ALPK2: variants seen among roughly 807,000 people sequenced by gnomAD.
ALPK2 encodes the protein alpha kinase 2.
A neutral mutation model predicts 163.1 loss-of-function variants in ALPK2; 127 were observed. The observed-to-expected ratio is 0.78, with a 90% confidence interval of 0.67 to 0.90. ALPK2 has a LOEUF of 0.90. Ranked by LOEUF, ALPK2 falls within the 40% of genes least tolerant of loss-of-function variation. The pLI is 0.00. For synonymous variants in ALPK2, 953 were observed against 959.1 expected (o/e 0.99, Z 0.12); for missense variants, 2,360 against 2,589.6 (o/e 0.91, Z 1.92).
chr18:58,580,010 C>G lies in ALPK2; in HGVS notation c.766G>C (p.Gly256Arg), dbSNP rs776542263. Residue 256 changes from glycine (G) to arginine (R), a missense_variant, in exon 4 of 13, where the codon GGC (glycine) becomes CGC (arginine). Physicochemically the swap from Gly to Arg is moderately radical, Grantham distance 125. Transcript: ENST00000361673. ...DLNNDGPHDE[G>R]LRSSQQNPKV... ...GGATTTTGCTGACTAGAGCGTAAGC[C>G]TTCATCATGAGGACCATCATTGTTC... is the stretch of plus-strand genomic sequence containing the variant. 4.3e-6 allele frequency: 7 copies of G among 1,614,224 alleles called. No individual in the cohort carries two copies. The Middle Eastern group carries it at 4.9e-4, about 114-fold the overall frequency.
chr18:58,621,917 C>T (rs2052202839), intron 1 of ALPK2, among the ~76,000 whole-genome samples: 1 of 151,670 alleles, frequency 6.6e-6, no homozygotes, highest in African/African-American at 2.4e-5. Context: ...GCAGCTCCCT[C>T]TGGATTTGTT....
chr18:58,605,413 TATAG>T (rs985573495), intron 3 of ALPK2, among the ~76,000 whole-genome samples: 2 of 152,162 alleles, frequency 1.3e-5, no homozygotes, highest in Admixed American at 6.5e-5. Flanking sequence ...AAGGGAGAGA[TATAG>T]ATAGATAGAT....
chr18:58,599,141 TC>T (rs2052056230), intron 3 of ALPK2, among the ~76,000 whole-genome samples: 1 of 152,136 alleles, frequency 6.6e-6, no homozygotes, highest in Non-Finnish European at 1.5e-5. Flanking sequence ...TGAGTGAGTG[TC>T]CCAGAACCTG....
intron 3 of ALPK2, among the ~76,000 whole-genome samples, chr18:58,601,943 C>A (rs1002803806): frequency 6.6e-6 from 1 of 152,132 alleles, no homozygotes; most frequent in Admixed American, 6.5e-5. Context: ...TGTGTACTGT[C>A]CAATGTTCAA....
intron 4 of ALPK2, among the ~76,000 whole-genome samples, chr18:58,576,725 A>G (rs1303368167): frequency 1.3e-5 from 2 of 152,246 alleles, no homozygotes; most frequent in Non-Finnish European, 2.9e-5. Flanking sequence ...CAAATATGCC[A>G]GTCCCTGTGG....
At chr18:58,499,093 C>T (rs545540080) in intron 11 of ALPK2, among the ~76,000 whole-genome samples, 6 of 152,042 alleles carry the variant, frequency 3.9e-5, no homozygotes, top group African/African-American at 1.4e-4. Context: ...AATGGCCTGG[C>T]GAAGCAGACA....
At position 58,517,166 on chromosome 18, in the gene ALPK2, T is replaced by A. The variant is rs774423134; in HGVS notation, c.5682A>T (p.Glu1894Asp). 1 of 1,613,970 alleles carries A rather than the reference T, an allele frequency of 6.2e-7. No individual in the cohort carries two copies. The highest frequency in any genetic ancestry group is 8.5e-7 in the Non-Finnish European group (1 of 1,179,890). ...RQDTKGCEEI[E>D]FSQLIFKEDF... is the part of the protein sequence containing the mutation. ...CTTCTTTGAAGATGAGTTGGCTGAA[T>A]TCAATCTCTTCACATCCTGAAACAC... Residue 1894 changes from glutamate to aspartate, a missense_variant, in exon 9 of 13, where the codon GAA becomes GAT. Glu to Asp is a conservative substitution (Grantham distance 45). Coordinates refer to ENST00000361673, the MANE Select transcript of ALPK2 (RefSeq NM_052947.4).
chr18:58,498,880 C>T (rs1187920180), intron 11 of ALPK2, among the ~76,000 whole-genome samples: 1 of 152,216 alleles, frequency 6.6e-6, no homozygotes, highest in African/African-American at 2.4e-5. Flanking sequence ...GTAAATTACC[C>T]AGTCTTGGGT....
At chr18:58,607,246 C>A in intron 3 of ALPK2, 76 bp downstream of exon 3, 2 of 1,059,048 alleles carry the variant, frequency 1.9e-6, no homozygotes, top group Non-Finnish European at 2.7e-6. Context: ...AATCTTTTGG[C>A]CTTACCTCAT....
At chr18:58,511,364 A>G (rs1351506097) in intron 10 of ALPK2, among the ~76,000 whole-genome samples, 4 of 152,142 alleles carry the variant, frequency 2.6e-5, no homozygotes, top group Admixed American at 6.5e-5. Context: ...CTTTATTGCA[A>G]TTTCCCTGTC....
At chr18:58,601,625 G>T (rs1363336010) in intron 3 of ALPK2, among the ~76,000 whole-genome samples, 1 of 152,152 alleles carries the variant, frequency 6.6e-6, no homozygotes. Context: ...CCTCCTGGGG[G>T]ATGAGAGCCC....
Position 58,571,744 on chromosome 18 carries a change from G to A in ALPK2, c.1962+7070C>T, listed in dbSNP as rs920136217. ...AATATTTGGAAATCTTTAGGAGGCCGAGGTGGGCAGATCACAAGGTCAGGA... is the reference window on the plus strand; with the variant it reads ...AATATTTGGAAATCTTTAGGAGGCCAAGGTGGGCAGATCACAAGGTCAGGA... On this transcript the variant is annotated intron_variant, in intron 4 of 12. Coordinates refer to ENST00000361673, the MANE Select transcript of ALPK2 (RefSeq NM_052947.4). 3.3e-5 allele frequency among the ~76,000 whole-genome samples: 5 copies of A among 152,040 alleles called. No homozygotes were observed. In the South Asian group the frequency reaches 6.2e-4, roughly 19 times the overall value.
At chr18:58,534,585 G>A (rs1469528240) in intron 5 of ALPK2, among the ~76,000 whole-genome samples, 1 of 152,156 alleles carries the variant, frequency 6.6e-6, no homozygotes, top group African/African-American at 2.4e-5. Context: ...TGGTTCTCCC[G>A]ATAGATCACC....
Position 58,578,966 on chromosome 18 carries a change from T to C in ALPK2, c.1810A>G (p.Ile604Val), listed in dbSNP as rs770454658. The change falls in exon 4 of 13, where the codon ATT (isoleucine) becomes GTT (valine). Residue 604 changes from isoleucine to valine, a missense_variant. Coordinates refer to ENST00000361673, the MANE Select transcript of ALPK2 (RefSeq NM_052947.4). The stretch of plus-strand genomic sequence containing the variant: ...GCTTCTTGCTCTGCCTGGGTTGAAA[T>C]AGCACATTCTCTTGCATCAGCATGG... ...SSHADARECA[I>V]STQAEQEAKT... The C allele has an allele frequency of 1.2e-6, 2 of 1,614,238 alleles. No individual in the cohort carries two copies. Among genetic ancestry groups the C allele is most frequent in the African/African-American group, 1.3e-5 (1 of 75,058 alleles).
intron 12 of ALPK2, among the ~76,000 whole-genome samples, chr18:58,484,400 T>G (rs1355678657): frequency 6.6e-6 from 1 of 152,176 alleles, no homozygotes; most frequent in Non-Finnish European, 1.5e-5. Flanking sequence ...TGAAATATGA[T>G]GAATACGATG....
chr18:58,589,626 AATC>A (rs2052005154), intron 3 of ALPK2, among the ~76,000 whole-genome samples: 1 of 152,220 alleles, frequency 6.6e-6, no homozygotes, highest in Non-Finnish European at 1.5e-5. Flanking sequence ...CCTACATTTC[AATC>A]ATCATCATCT....
At chr18:58,624,138 A>G (rs1226157633) in intron 1 of ALPK2, among the ~76,000 whole-genome samples, 1 of 152,148 alleles carries the variant, frequency 6.6e-6, no homozygotes, top group African/African-American at 2.4e-5. Context: ...TCACTGATTG[A>G]GTCATTAACC....
chr18:58,580,722 G>A (rs2051954373), intron 3 of ALPK2, 174 bp from the exon 4 acceptor site: 5 of 638,084 alleles, frequency 7.8e-6, no homozygotes, highest in Non-Finnish European at 1.3e-5. Flanking sequence ...GGGCTCCGGT[G>A]CCCCTAGTGC....
rs777037649 is a variant in ALPK2, at chr18:58,536,223, TG to T, written c.3963del (p.Ser1322ValfsTer25). ...RESHKGEEPT[I>X]SVHWRSLSSR... ...GAAGAAAGACTTCTCCAATGTACAC[TG>T]ATGGTGGGCTCTTCGCCTTTATGGC... On this transcript the variant is annotated frameshift_variant, in exon 5 of 13. Transcript: ENST00000361673. The T allele has an allele frequency of 1.1e-5, 17 of 1,614,088 alleles. No homozygotes were observed. The South Asian group carries it at 1.5e-4, about 15-fold the overall frequency.
Sources: allele counts gnomAD v4.1 joint callset (sites outside exome capture counted in the v4.1 genomes callset), GRCh38; gene constraint gnomAD v4.1.1; transcripts MANE v1.5; gene names NCBI Gene and HGNC (gene_info 2026-07-23, HGNC 2026-07-21).